Variants in WWOX observed in about 807,000 individuals in gnomAD.
WWOX encodes the protein WW domain containing oxidoreductase.
A neutral mutation model predicts 46.2 loss-of-function variants in WWOX; 69 were observed. The ratio of observed to expected loss-of-function variants is 1.49; its 90% CI spans 1.23 to 1.82. The LOEUF is 1.82. Ranked by LOEUF, WWOX falls within the 40% of genes most tolerant of loss-of-function variation. The pLI is 0.00. For synonymous variants in WWOX, 359 were observed against 202.6 expected (o/e 1.77, Z -6.56); for missense variants, 919 against 542.6 (o/e 1.69, Z -6.89).
intron 4 of WWOX, among the ~76,000 whole-genome samples, chr16:78,130,328 G>A (rs1320305447): frequency 6.6e-5 from 10 of 152,136 alleles, no homozygotes; most frequent in Non-Finnish European, 1.5e-5. Context: ...CTTTCCTTAA[G>A]CTATGTGAAT....
chr16:78,951,360 G>T (rs939507011), intron 8 of WWOX, among the ~76,000 whole-genome samples: 1 of 152,122 alleles, frequency 6.6e-6, no homozygotes, highest in South Asian at 2.1e-4. Context: ...AGAGTCCCAC[G>T]GCTGACTCTC....
intron 5 of WWOX, among the ~76,000 whole-genome samples, chr16:78,337,137 A>G (rs1286918497): frequency 6.6e-6 from 1 of 152,116 alleles, no homozygotes; most frequent in Non-Finnish European, 1.5e-5. Flanking sequence ...AACACTCTGC[A>G]GTTCAAAGAA....
At chr16:79,156,335 G>T (rs897443013) in intron 8 of WWOX, among the ~76,000 whole-genome samples, 1 of 152,152 alleles carries the variant, frequency 6.6e-6, no homozygotes, top group African/African-American at 2.4e-5. Context: ...TAATTTTTGT[G>T]CATTTTGTAG....
intron 8 of WWOX, among the ~76,000 whole-genome samples, chr16:78,618,448 C>T (rs993489243): frequency 6.6e-6 from 1 of 152,178 alleles, no homozygotes; most frequent in African/African-American, 2.4e-5. Context: ...TTCACATGGT[C>T]TTCCCTCTGT....
At chr16:78,984,323 A>G (rs1308513699) in intron 8 of WWOX, among the ~76,000 whole-genome samples, 4 of 152,160 alleles carry the variant, frequency 2.6e-5, no homozygotes, top group Non-Finnish European at 5.9e-5. Flanking sequence ...CCCCACCTCC[A>G]AGAAAGCACT....
chr16:78,110,036 A>G (rs2032399303), intron 3 of WWOX, among the ~76,000 whole-genome samples: 1 of 151,814 alleles, frequency 6.6e-6, no homozygotes, highest in Admixed American at 6.6e-5. Context: ...CCGCACACGC[A>G]TCCTTAAAAA....
chr16:78,546,514 C>T (rs1230191653), intron 8 of WWOX, among the ~76,000 whole-genome samples: 1 of 152,018 alleles, frequency 6.6e-6, no homozygotes, highest in African/African-American at 2.4e-5. Flanking sequence ...ATTACCTTGC[C>T]CAAGAAAAGA....
At chr16:78,436,903 C>G (rs1202217822) in intron 8 of WWOX, among the ~76,000 whole-genome samples, 2 of 152,204 alleles carry the variant, frequency 1.3e-5, no homozygotes, top group Non-Finnish European at 2.9e-5. Context: ...TGAATGCAGA[C>G]ATATTTTTGG....
chr16:78,886,770 G>C (rs1426269623), intron 8 of WWOX, among the ~76,000 whole-genome samples: 2 of 151,860 alleles, frequency 1.3e-5, no homozygotes, highest in Non-Finnish European at 2.9e-5. Flanking sequence ...CACAAGGAAA[G>C]GCTATGAAAT....
intron 8 of WWOX, among the ~76,000 whole-genome samples, chr16:78,941,246 C>G (rs201683323): frequency 6.6e-6 from 1 of 152,118 alleles, no homozygotes; most frequent in African/African-American, 2.4e-5. Flanking sequence ...ACATTTGGTT[C>G]TGCGGTCGCT....
At chr16:78,464,007 A>C (rs979514867) in intron 8 of WWOX, among the ~76,000 whole-genome samples, 1 of 152,144 alleles carries the variant, frequency 6.6e-6, no homozygotes, top group African/African-American at 2.4e-5. Context: ...TGGCGGTCAG[A>C]ACCTAGGACA....
In WWOX at chr16:78,261,788, CTATATATATA is replaced by C. The variant is rs71384369; in HGVS notation, c.516+97520_516+97529del. On this transcript the variant is annotated intron_variant, in intron 5 of 8. Coordinates refer to ENST00000566780, the MANE Select transcript of WWOX (RefSeq NM_016373.4). ...TCTATCTATGTATCTATCTATCTAT[CTATATATATA>C]TATATATATATATATATATACTTAT... Among the ~76,000 whole-genome samples, 39 of 73,752 alleles carry C rather than the reference CTATATATATA, an allele frequency of 5.3e-4. 1 individual carries two copies. The highest frequency in any genetic ancestry group is 7.9e-4 in the Non-Finnish European group (29 of 36,626). The allele number at this position is 73,752 out of a possible 152,430, so 48.4% of individuals were successfully genotyped here.
At chr16:78,768,299 A>AAAAAAAAAAAAG (rs2049976628) in intron 8 of WWOX, among the ~76,000 whole-genome samples, 1 of 149,930 alleles carries the variant, frequency 6.7e-6, no homozygotes, top group Non-Finnish European at 1.5e-5. Flanking sequence ...AAAAAAAAAA[A>AAAAAAAAAAAAG]AGTTGCCTGG....
chr16:79,183,832 T>A (rs147226089), intron 8 of WWOX, among the ~76,000 whole-genome samples: 41 of 152,228 alleles, frequency 2.7e-4, no homozygotes, highest in African/African-American at 9.6e-4. Flanking sequence ...CCTCCCAAAT[T>A]TGTATTCTTA....
chr16:79,132,270 GC>G (rs1301898326), intron 8 of WWOX, among the ~76,000 whole-genome samples: 2 of 152,064 alleles, frequency 1.3e-5, no homozygotes, highest in Middle Eastern at 3.2e-3. Flanking sequence ...ACATAAAAAG[GC>G]AGCAGTGGTG....
chr16:79,029,737 C>A (rs924088703), intron 8 of WWOX, among the ~76,000 whole-genome samples: 1 of 152,012 alleles, frequency 6.6e-6, no homozygotes, highest in African/African-American at 2.4e-5. Context: ...TTAATATTTC[C>A]TTTTAGAGCT....
At chr16:79,040,517 C>T (rs376301608) in intron 8 of WWOX, among the ~76,000 whole-genome samples, 2 of 152,234 alleles carry the variant, frequency 1.3e-5, no homozygotes, top group African/African-American at 4.8e-5. Flanking sequence ...CTCAGGTGAT[C>T]TACCTACCTT....
intron 8 of WWOX, chr16:79,105,837 T>C (rs2049297607): frequency 6.6e-6 from 1 of 152,060 alleles, no homozygotes; most frequent in Non-Finnish European, 1.5e-5. Context: ...TAAATTTCTT[T>C]TGTGTTGCTA....
intron 8 of WWOX, chr16:78,996,151 A>AT (rs35035488): frequency 0.16 from 141,248 of 861,430 alleles, 6,773 homozygotes; most frequent in East Asian, 0.44. Flanking sequence ...CTTTTTTTTA[A>AT]TTTTTTTTTT....
Sources: allele counts gnomAD v4.1 joint callset (sites outside exome capture counted in the v4.1 genomes callset), GRCh38; gene constraint gnomAD v4.1.1; transcripts MANE v1.5; gene names NCBI Gene and HGNC (gene_info 2026-07-23, HGNC 2026-07-21).